The following ITSN2 variants were observed in gnomAD, a reference collection of about 807,000 sequenced individuals.
ITSN2 encodes the protein intersectin-2.
A neutral mutation model predicts 243.7 loss-of-function variants in ITSN2; 156 were observed. The observed-to-expected ratio is 0.64, with a 90% CI of 0.56 to 0.73. The LOEUF is 0.73. Ranked by LOEUF, ITSN2 falls within the 30% of genes least tolerant of loss-of-function variation. The pLI, the probability that ITSN2 is intolerant of heterozygous loss-of-function variation, is 0.00. For synonymous variants in ITSN2, 703 were observed against 699.9 expected (o/e 1.00, Z -0.07); for missense variants, 1,801 against 1,996.1 (o/e 0.90, Z 1.86).
intron 20 of ITSN2, among the ~76,000 whole-genome samples, chr2:24,266,049 T>C (rs1676620744): frequency 6.6e-6 from 1 of 152,222 alleles, no homozygotes; most frequent in South Asian, 2.1e-4. Flanking sequence ...AGTATATTTA[T>C]GAAGGCGCTT....
intron 13 of ITSN2, among the ~76,000 whole-genome samples, chr2:24,296,810 G>A (rs1681024957): frequency 6.6e-6 from 1 of 152,232 alleles, no homozygotes; most frequent in Non-Finnish European, 1.5e-5. Context: ...TACTGATGAT[G>A]AAAAGTTTTA....
At chr2:24,242,890 G>T (rs1034725667) in intron 29 of ITSN2, among the ~76,000 whole-genome samples, 11 of 151,912 alleles carry the variant, frequency 7.2e-5, no homozygotes, top group African/African-American at 2.7e-4. Context: ...ACATATACCC[G>T]CCAGAAACAA....
At chr2:24,325,902 G>A (rs2702045) in intron 2 of ITSN2, among the ~76,000 whole-genome samples, 149,100 of 152,288 alleles carry the variant, frequency 0.98, 72,987 homozygotes, top group East Asian at 0.99. Flanking sequence ...GTCTCATCTC[G>A]GTTTTTACAC....
At chr2:24,283,946 G>A (rs1679143944) in intron 17 of ITSN2, among the ~76,000 whole-genome samples, 1 of 152,138 alleles carries the variant, frequency 6.6e-6, no homozygotes, top group African/African-American at 2.4e-5. Flanking sequence ...TAAAATATGG[G>A]TCCCCTGCTG....
chr2:24,214,222 C>T (rs2151115852), intron 32 of ITSN2, among the ~76,000 whole-genome samples: 1 of 152,290 alleles, frequency 6.6e-6, no homozygotes, highest in Non-Finnish European at 1.5e-5. Flanking sequence ...AAGAGTTTAA[C>T]AGCTGTATTT....
intron 5 of ITSN2, among the ~76,000 whole-genome samples, chr2:24,311,878 T>C (rs995694145): frequency 6.6e-5 from 10 of 152,128 alleles, no homozygotes; most frequent in African/African-American, 1.9e-4. Context: ...CTCACATATA[T>C]ATAGAGAGAG....
chr2:24,256,391 G>A (rs1016589988), intron 23 of ITSN2, among the ~76,000 whole-genome samples: 1 of 152,162 alleles, frequency 6.6e-6, no homozygotes, highest in Non-Finnish European at 1.5e-5. Flanking sequence ...GATTAAGTAG[G>A]TTATTCCTTA....
chr2:24,326,458 T>C (rs1188112901), intron 2 of ITSN2, among the ~76,000 whole-genome samples: 1 of 152,248 alleles, frequency 6.6e-6, no homozygotes, highest in Non-Finnish European at 1.5e-5. Flanking sequence ...AAGTTTACAA[T>C]TCAACTGTTT....
intron 1 of ITSN2, among the ~76,000 whole-genome samples, chr2:24,356,345 CAAAAA>C (rs70944743): frequency 6.4e-5 from 7 of 109,384 alleles, no homozygotes; most frequent in Non-Finnish European, 1.1e-4. Flanking sequence ...GACCCTGTCT[CAAAAA>C]AAAAAAAAAA....
intron 1 of ITSN2, among the ~76,000 whole-genome samples, chr2:24,334,924 G>A (rs956274435): frequency 3.3e-5 from 5 of 151,442 alleles, no homozygotes; most frequent in Admixed American, 1.3e-4. Context: ...TTAGCCGGGC[G>A]TGGTAGCGGG....
intron 37 of ITSN2, 33 bp from the exon 38 acceptor site, chr2:24,205,330 C>T: frequency 1.3e-6 from 2 of 1,575,950 alleles, no homozygotes; most frequent in Non-Finnish European, 1.7e-6. Context: ...TCATTAATCT[C>T]TTCTCCAAGG....
chr2:24,310,441 T>A, intron 6 of ITSN2, 48 bp downstream of exon 6: 1 of 1,608,746 alleles, frequency 6.2e-7, no homozygotes, highest in African/African-American at 1.3e-5. Flanking sequence ...ACACAAATAG[T>A]TTCTTTCTTT....
intron 20 of ITSN2, among the ~76,000 whole-genome samples, chr2:24,262,697 C>T (rs756582872): frequency 2.0e-5 from 3 of 152,218 alleles, no homozygotes; most frequent in Non-Finnish European, 4.4e-5. Context: ...AATCCAAGAG[C>T]TATGATCTCA....
intron 30 of ITSN2, among the ~76,000 whole-genome samples, chr2:24,218,976 A>G (rs183153256): frequency 3.5e-4 from 54 of 152,246 alleles, no homozygotes; most frequent in African/African-American, 1.3e-3. Context: ...TCCAGGGCCT[A>G]TGAGACCTGC....
In ITSN2 at chr2:24,248,788, C is replaced by T. The variant is rs188257909; in HGVS notation, c.3167-38G>A. Reference sequence around the variant, plus strand: ...AGAAGAAACTATGAATTCAAGATTGCGACAGAGCAAACACGTTAGTAATTT... The same window carrying T: ...AGAAGAAACTATGAATTCAAGATTGTGACAGAGCAAACACGTTAGTAATTT... On this transcript the variant is annotated intron_variant, in intron 26 of 39. Coordinates refer to ENST00000355123, the MANE Select transcript of ITSN2 (RefSeq NM_006277.3). 8.9e-4 allele frequency: 1,441 copies of T among 1,612,836 alleles called. 3 individuals are homozygous for T. The highest frequency in any genetic ancestry group is 1.1e-3 in the Non-Finnish European group (1,330 of 1,179,594).
intron 1 of ITSN2, among the ~76,000 whole-genome samples, chr2:24,345,666 C>T (rs1042642254): frequency 6.6e-6 from 1 of 151,654 alleles, no homozygotes; most frequent in Middle Eastern, 3.2e-3. Flanking sequence ...CTGAAAATAC[C>T]CAGTGCTGTT....
chr2:24,329,687 A>C (rs752019370), intron 1 of ITSN2, among the ~76,000 whole-genome samples: 1 of 152,190 alleles, frequency 6.6e-6, no homozygotes, highest in Non-Finnish European at 1.5e-5. Flanking sequence ...ACTATATTAA[A>C]AGATCATGCC....
intron 17 of ITSN2, among the ~76,000 whole-genome samples, chr2:24,276,509 T>C (rs1355140581): frequency 6.6e-6 from 1 of 152,248 alleles, no homozygotes; most frequent in East Asian, 1.9e-4. Context: ...ACAATCTCAA[T>C]GTAGAGGCAA....
chr2:24,208,260 T>A lies in ITSN2; in HGVS notation c.4655A>T (p.Lys1552Met). The change falls in exon 37 of 40, where the codon AAG becomes ATG. Residue 1552 changes from lysine (K) to methionine (M), a missense_variant. Coordinates refer to ENST00000355123, the MANE Select transcript of ITSN2 (RefSeq NM_006277.3). ...ASEQYIDTEK[K>M]KREKAYQARS... ...ACCTTGGTAAGCTTTCTCACGCTTCTTCTTCTCGGTGTCGATGTACTGCTC... is the reference window on the plus strand; with the variant it reads ...ACCTTGGTAAGCTTTCTCACGCTTCATCTTCTCGGTGTCGATGTACTGCTC... 1 of 1,612,570 alleles carries A rather than the reference T, an allele frequency of 6.2e-7. No individual in the cohort carries two copies. The highest frequency in any genetic ancestry group is 1.3e-5 in the African/African-American group (1 of 74,968).
Sources: allele counts gnomAD v4.1 joint callset (sites outside exome capture counted in the v4.1 genomes callset), GRCh38; gene constraint gnomAD v4.1.1; transcripts MANE v1.5; gene names NCBI Gene and HGNC (gene_info 2026-07-23, HGNC 2026-07-21).